DNAJB4: variants seen among roughly 807,000 people sequenced by gnomAD.
DNAJB4 encodes DnaJ heat shock protein family (Hsp40) member B4, also known as dnaJ homolog subfamily B member 4.
DNAJB4 carries 10 observed loss-of-function variants against 26.6 expected under a neutral mutation model. The observed-to-expected ratio is 0.38, with a 90% CI of 0.23 to 0.64. The LOEUF (loss-of-function observed/expected upper bound fraction) is 0.64, where lower values mean the gene tolerates loss of function less well. Ranked by LOEUF, DNAJB4 falls within the 30% of genes least tolerant of loss-of-function variation. The probability of loss-of-function intolerance (pLI) is 0.58; values close to 1 mark genes in which losing one functional copy is unlikely to be tolerated. For synonymous variants in DNAJB4, 136 were observed against 134.8 expected, an observed-to-expected ratio of 1.01 and a Z score of -0.06; for missense variants, 328 against 408.2, an observed-to-expected ratio of 0.80 and a Z score of 1.69.
upstream of DNAJB4, among the ~76,000 whole-genome samples, chr1:78,000,876 C>T (rs749571157): frequency 1.2e-4 from 18 of 151,974 alleles, no homozygotes; most frequent in Middle Eastern, 3.2e-3. Context: ...CCCAGCTATT[C>T]GGGAGGCTGA....
At chr1:77,984,402 G>A (rs998074603) in intron 1 of DNAJB4, among the ~76,000 whole-genome samples, 15 of 152,128 alleles carry the variant, frequency 9.9e-5, no homozygotes, top group African/African-American at 2.9e-4. Context: ...CTTTTTAGCC[G>A]TACGTGGACC....
At chr1:77,992,563 T>G (rs1659958854) in intron 1 of DNAJB4, among the ~76,000 whole-genome samples, 2 of 152,114 alleles carry the variant, frequency 1.3e-5, no homozygotes, top group Admixed American at 1.3e-4. Context: ...AGAGGTATGA[T>G]TATTAAACAG....
intron 1 of DNAJB4, among the ~76,000 whole-genome samples, chr1:77,986,706 G>A (rs1288779991): frequency 6.6e-6 from 1 of 152,080 alleles, no homozygotes; most frequent in Non-Finnish European, 1.5e-5. Flanking sequence ...CCTAAGCATT[G>A]TTTTGAAAAT....
chr1:78,001,345 G>GAA (rs10707731), upstream of DNAJB4, among the ~76,000 whole-genome samples: 3 of 143,196 alleles, frequency 2.1e-5, no homozygotes, highest in African/African-American at 7.6e-5. Flanking sequence ...TCTCAAAAAA[G>GAA]AAAAAAAAAA....
chr1:78,004,871 A>C (rs1018963471), upstream of DNAJB4: 4 of 501,202 alleles, frequency 8.0e-6, no homozygotes, highest in African/African-American at 7.8e-5. Flanking sequence ...CGTAGTGAAA[A>C]TGGGAGGATC....
At chr1:78,004,008 G>T (rs545908139), upstream of DNAJB4, among the ~76,000 whole-genome samples, 49 of 152,228 alleles carry the variant, frequency 3.2e-4, no homozygotes, top group Middle Eastern at 6.8e-3. Flanking sequence ...GTTTTTGAAA[G>T]AAAAAATATT....
intron 2 of DNAJB4, among the ~76,000 whole-genome samples, chr1:78,015,539 CT>C (rs746126168): frequency 1.5e-4 from 10 of 65,668 alleles, no homozygotes; most frequent in Non-Finnish European, 1.6e-4. Context: ...CTTTTTCTTT[CT>C]TTCTTTCTTC....
intron 1 of DNAJB4, among the ~76,000 whole-genome samples, chr1:78,009,875 T>C (rs764676312): frequency 4.6e-5 from 7 of 152,154 alleles, no homozygotes; most frequent in Non-Finnish European, 8.8e-5. Context: ...CCACCCACCT[T>C]GGCCTCCCAA....
intron 1 of DNAJB4, chr1:77,981,322 AT>A (rs527597927): frequency 1.3e-3 from 175 of 139,612 alleles, no homozygotes; most frequent in East Asian, 1.4e-3. Context: ...ACTATGCCTA[AT>A]TTTTTTTTTT....
upstream of DNAJB4, chr1:78,004,488 A>G (rs1305667952): frequency 6.6e-6 from 1 of 152,198 alleles, no homozygotes; most frequent in Non-Finnish European, 1.5e-5. Flanking sequence ...GGAAATCCTA[A>G]TTTAAACAAC....
intron 1 of DNAJB4, among the ~76,000 whole-genome samples, chr1:77,998,879 G>A (rs1481080708): frequency 6.6e-6 from 1 of 151,924 alleles, no homozygotes; most frequent in East Asian, 1.9e-4. Flanking sequence ...TTATGGGTCT[G>A]TATCTTGGCA....
chr1:77,996,991 A>G (rs1214566700), intron 1 of DNAJB4, among the ~76,000 whole-genome samples: 14 of 152,174 alleles, frequency 9.2e-5, no homozygotes, highest in Non-Finnish European at 2.1e-4. Flanking sequence ...CTGGCCAGGA[A>G]GCTTACAGAT....
upstream of DNAJB4, among the ~76,000 whole-genome samples, chr1:78,000,384 C>T (rs1391605578): frequency 6.6e-6 from 1 of 152,140 alleles, no homozygotes; most frequent in Admixed American, 6.6e-5. Flanking sequence ...ACAGAGTTAA[C>T]TCTGTTTGAC....
intron 1 of DNAJB4, among the ~76,000 whole-genome samples, chr1:77,993,189 A>G (rs558866495): frequency 1.3e-5 from 2 of 152,328 alleles, no homozygotes; most frequent in South Asian, 2.1e-4. Context: ...CCAGACGGTA[A>G]CTATTTTAGG....
chr1:77,991,541 G>C (rs1053170019), intron 1 of DNAJB4, among the ~76,000 whole-genome samples: 3 of 152,072 alleles, frequency 2.0e-5, no homozygotes, highest in Non-Finnish European at 2.9e-5. Flanking sequence ...GAGGCCAGGA[G>C]TTCAAGACCA....
intron 1 of DNAJB4, among the ~76,000 whole-genome samples, chr1:77,993,502 G>C (rs140261118): frequency 0.027 from 4,111 of 152,090 alleles, 98 homozygotes; most frequent in South Asian, 0.11. Flanking sequence ...TTTTAGTAGA[G>C]ATAGGGTTTC....
chr1:78,013,304 A>G lies in DNAJB4; in HGVS notation c.465A>G (p.Lys155=). The G allele has an allele frequency of 6.2e-7, 1 of 1,614,106 alleles. No individual in the cohort carries two copies. Among genetic ancestry groups the G allele is most frequent in the African/African-American group, 1.3e-5 (1 of 75,044 alleles). ...DRNSVGPSRL[K]QDPPVIHELR... Reference sequence around the variant, plus strand: ...ATTCTGTGGGGCCATCCCGCCTCAAACAAGATCCTCCAGTTATTCATGAAC... The same window carrying G: ...ATTCTGTGGGGCCATCCCGCCTCAAGCAAGATCCTCCAGTTATTCATGAAC... Residue 155 remains lysine, a synonymous_variant, in exon 2 of 3, where the codon AAA becomes AAG. Coordinates refer to ENST00000370763, the MANE Select transcript of DNAJB4 (RefSeq NM_007034.5).
At chr1:78,006,359 G>T (rs1189580303) in intron 1 of DNAJB4, among the ~76,000 whole-genome samples, 2 of 152,018 alleles carry the variant, frequency 1.3e-5, no homozygotes, top group African/African-American at 4.8e-5. Flanking sequence ...TTAACATCAG[G>T]ACTAAGTTAT....
At chr1:77,981,615 A>G (rs563643194) in intron 1 of DNAJB4, among the ~76,000 whole-genome samples, 2 of 152,254 alleles carry the variant, frequency 1.3e-5, no homozygotes, top group Admixed American at 6.5e-5. Context: ...CCCAGCCACA[A>G]TAAAATTCTT....
Sources: gnomAD v4.1 joint callset for allele counts (sites outside exome capture counted in the v4.1 genomes callset) on GRCh38, gnomAD v4.1.1 for gene constraint, MANE v1.5 for transcripts, NCBI Gene and HGNC (gene_info 2026-07-23, HGNC 2026-07-21) for gene names.